Variants in NRXN1 observed in about 807,000 individuals in gnomAD.
The protein encoded by NRXN1 is neurexin 1.
A neutral mutation model predicts 150.9 loss-of-function variants in NRXN1; 39 were observed. That is an observed-to-expected ratio of 0.26 (90% CI 0.20 to 0.34). The LOEUF (loss-of-function observed/expected upper bound fraction) is 0.34. Ranked by LOEUF, NRXN1 falls within the 10% of genes least tolerant of loss-of-function variation. The pLI, the probability that NRXN1 is intolerant of heterozygous loss-of-function variation, is 1.00. For missense variants in NRXN1, 1,815 were observed against 1,949.9 expected, an observed-to-expected ratio of 0.93 and a Z score of 1.30; for synonymous variants, 924 against 757.0, an observed-to-expected ratio of 1.22 and a Z score of -3.62.
intron 5 of NRXN1, among the ~76,000 whole-genome samples, chr2:50,907,076 A>G (rs1409024932): frequency 6.6e-6 from 1 of 151,998 alleles, no homozygotes; most frequent in Non-Finnish European, 1.5e-5. Context: ...AAAGTAAGCC[A>G]TAAAATGTAG....
chr2:50,688,875 G>A (rs1691645683), intron 5 of NRXN1, among the ~76,000 whole-genome samples: 2 of 152,132 alleles, frequency 1.3e-5, no homozygotes. Flanking sequence ...ACTTAGTTTG[G>A]TGCTTTCTAA....
At chr2:50,731,874 C>T (rs1051367034) in intron 5 of NRXN1, among the ~76,000 whole-genome samples, 1 of 152,116 alleles carries the variant, frequency 6.6e-6, no homozygotes, top group Non-Finnish European at 1.5e-5. Context: ...GCCTTGTTTT[C>T]GTTTGGCTGT....
intron 21 of NRXN1, among the ~76,000 whole-genome samples, chr2:50,024,529 A>T (rs1235539180): frequency 6.6e-6 from 1 of 152,162 alleles, no homozygotes; most frequent in Non-Finnish European, 1.5e-5. Context: ...TCTTTAAATC[A>T]ATTATGGCTG....
At chr2:50,155,339 A>G (rs1241869173) in intron 18 of NRXN1, among the ~76,000 whole-genome samples, 2 of 151,470 alleles carry the variant, frequency 1.3e-5, no homozygotes. Flanking sequence ...TTTGGGGTAC[A>G]TTCATTTATT....
At chr2:50,582,212 T>C (rs1672372546) in intron 8 of NRXN1, among the ~76,000 whole-genome samples, 1 of 152,064 alleles carries the variant, frequency 6.6e-6, no homozygotes, top group South Asian at 2.1e-4. Context: ...GGCTAACATC[T>C]TTCAGATCCT....
At chr2:50,353,248 C>T (rs890859907) in intron 17 of NRXN1, among the ~76,000 whole-genome samples, 3 of 152,014 alleles carry the variant, frequency 2.0e-5, no homozygotes, top group African/African-American at 7.2e-5. Flanking sequence ...GCTTAAGTAC[C>T]AAGTCAGGGT....
chr2:50,618,141 T>A (rs1293032980), intron 8 of NRXN1, among the ~76,000 whole-genome samples: 1 of 152,284 alleles, frequency 6.6e-6, no homozygotes, highest in Admixed American at 6.5e-5. Context: ...ATACCTGGCC[T>A]GGCTCACAGT....
chr2:50,509,722 C>A (rs976162147), intron 12 of NRXN1, among the ~76,000 whole-genome samples: 7 of 152,126 alleles, frequency 4.6e-5, no homozygotes, highest in Non-Finnish European at 1.0e-4. Context: ...TGTTAATGAC[C>A]TTTCAGGATT....
At chr2:49,986,240 C>G (rs946166464) in intron 21 of NRXN1, among the ~76,000 whole-genome samples, 4 of 152,230 alleles carry the variant, frequency 2.6e-5, no homozygotes, top group Admixed American at 1.3e-4. Context: ...ATCTTATTGT[C>G]ACTGTTAAAA....
At chr2:50,396,529 GA>G (rs1220058690) in intron 17 of NRXN1, among the ~76,000 whole-genome samples, 1 of 152,120 alleles carries the variant, frequency 6.6e-6, no homozygotes, top group African/African-American at 2.4e-5. Context: ...AAGAGTTTGA[GA>G]GTTTTTTGTT....
intron 22 of NRXN1, among the ~76,000 whole-genome samples, chr2:49,926,628 T>G (rs1220879864): frequency 6.6e-6 from 1 of 152,166 alleles, no homozygotes; most frequent in African/African-American, 2.4e-5. Context: ...AAAAAATAAA[T>G]GCAACTGTTG....
chr2:50,544,916 A>G (rs773271269), intron 9 of NRXN1, among the ~76,000 whole-genome samples: 1 of 152,210 alleles, frequency 6.6e-6, no homozygotes, highest in Non-Finnish European at 1.5e-5. Context: ...TGGTGTCACT[A>G]CAAAGAATGG....
At chr2:50,252,614 G>A (rs537163931) in intron 17 of NRXN1, among the ~76,000 whole-genome samples, 2 of 152,148 alleles carry the variant, frequency 1.3e-5, no homozygotes, top group Admixed American at 6.6e-5. Context: ...TAAGTACGGG[G>A]TCCAGTTTCC....
intron 5 of NRXN1, among the ~76,000 whole-genome samples, chr2:50,794,706 A>G (rs1706546224): frequency 6.6e-6 from 1 of 152,192 alleles, no homozygotes; most frequent in South Asian, 2.1e-4. Flanking sequence ...TAAAGTATGC[A>G]TATTTTTAAA....
rs1438036576 is a variant in NRXN1, at chr2:50,069,698, C to T, written c.3719-14654G>A. Among the ~76,000 whole-genome samples the T allele has an allele frequency of 2.0e-5, 3 of 152,070 alleles. No individual in the cohort carries two copies. In the East Asian group the frequency reaches 5.8e-4, roughly 30 times the overall value. ...TCATGTTTTAAGCTTGTCTTCTTTC[C>T]ACTTTGTGCTATACAGACACACCCA... On this transcript the variant is annotated intron_variant, in intron 19 of 22. Coordinates refer to ENST00000401669, the MANE Select transcript of NRXN1 (RefSeq NM_001330078.2).
At chr2:50,723,372 CA>C (rs2105139888) in intron 5 of NRXN1, among the ~76,000 whole-genome samples, 1 of 152,266 alleles carries the variant, frequency 6.6e-6, no homozygotes, top group African/African-American at 2.4e-5. Flanking sequence ...TAATTATGGC[CA>C]AAATGCCCAG....
intron 21 of NRXN1, among the ~76,000 whole-genome samples, chr2:49,979,828 G>A (rs1679659747): frequency 6.6e-6 from 1 of 151,558 alleles, no homozygotes. Flanking sequence ...TTTAATATTT[G>A]CAAGTATGGA....
chr2:49,990,811 A>T (rs1406884723), intron 21 of NRXN1, among the ~76,000 whole-genome samples: 2 of 152,138 alleles, frequency 1.3e-5, no homozygotes, highest in African/African-American at 4.8e-5. Flanking sequence ...TTTTGTAGCT[A>T]ATGTTGGCAC....
intron 21 of NRXN1, among the ~76,000 whole-genome samples, chr2:49,985,435 CATGTGAAGCCTGGAAAAGACGCTACT>C (rs1330958799): frequency 3.3e-5 from 5 of 152,110 alleles, no homozygotes; most frequent in Admixed American, 2.6e-4. Flanking sequence ...TGTATAGATT[CATGTGAAGCCTGGAAAAGACGCTACT>C]ATGTTTTATT....
Sources: allele counts gnomAD v4.1 joint callset (sites outside exome capture counted in the v4.1 genomes callset), GRCh38; gene constraint gnomAD v4.1.1; transcripts MANE v1.5; gene names NCBI Gene and HGNC (gene_info 2026-07-23, HGNC 2026-07-21).